The following GLUD1 variants were observed in gnomAD, a reference collection of about 807,000 sequenced individuals.
GLUD1 encodes the protein glutamate dehydrogenase 1.
In GLUD1, 22 loss-of-function variants were observed where a neutral mutation model predicts 56.0. The ratio of observed to expected loss-of-function variants is 0.39; its 90% CI spans 0.28 to 0.56. The LOEUF (loss-of-function observed/expected upper bound fraction) is 0.56, where lower values mean the gene tolerates loss of function less well. Ranked by LOEUF, GLUD1 falls within the 20% of genes least tolerant of loss-of-function variation. The pLI, the probability that GLUD1 is intolerant of heterozygous loss-of-function variation, is 0.58. For synonymous variants in GLUD1, 223 were observed against 269.9 expected, an observed-to-expected ratio of 0.83 and a Z score of 1.70; for missense variants, 451 against 732.0, an observed-to-expected ratio of 0.62 and a Z score of 4.43.
intron 4 of GLUD1, among the ~76,000 whole-genome samples, chr10:87,073,575 G>C (rs527969199): frequency 6.7e-6 from 1 of 149,936 alleles, no homozygotes; most frequent in Non-Finnish European, 1.5e-5. Context: ...ATATTGATAG[G>C]ACAAGTATTC....
intron 1 of GLUD1, among the ~76,000 whole-genome samples, chr10:87,077,985 C>A (rs1238308002): frequency 6.6e-6 from 1 of 152,128 alleles, no homozygotes; most frequent in Admixed American, 6.5e-5. Flanking sequence ...CATGGACTGG[C>A]AGTTTGAGAG....
chr10:87,069,250 C>T (rs1440681525), intron 4 of GLUD1, among the ~76,000 whole-genome samples: 4 of 152,032 alleles, frequency 2.6e-5, no homozygotes, highest in African/African-American at 4.8e-5. Context: ...AGCACAGTGG[C>T]GCATGCCTGT....
intron 11 of GLUD1, among the ~76,000 whole-genome samples, chr10:87,056,954 C>A (rs1278222928): frequency 6.6e-6 from 1 of 151,990 alleles, no homozygotes; most frequent in Non-Finnish European, 1.5e-5. Flanking sequence ...AGAAGTTTCC[C>A]TCCCTCCATC....
At chr10:87,057,619 T>C (rs1845818897) in intron 11 of GLUD1, 72 bp downstream of exon 11, 7 of 837,690 alleles carry the variant, frequency 8.4e-6, no homozygotes, top group Non-Finnish European at 1.5e-5. Flanking sequence ...ATGAAATCCA[T>C]CTAACCAGCT....
At position 87,094,718 on chromosome 10, in the gene GLUD1, C is replaced by A; in HGVS notation, c.52G>T (p.Ala18Ser). 6.6e-7 allele frequency: 1 copy of A among 1,509,992 alleles called. No homozygotes were observed. Among genetic ancestry groups the A allele is most frequent in the Non-Finnish European group, 8.9e-7 (1 of 1,128,902 alleles). 93.5% of individuals were successfully genotyped at this position (1,509,992 alleles called of 1,614,324 possible). A position where few individuals can be genotyped will look rare whatever the true frequency, so the allele number is the denominator to read the frequency against. ...ALLLSRAGPA[A>S]LGSASADSAA... ...GAGTCGGCGGACGCCGAGCCCAGGG[C>A]AGCGGGCCCGGCCCGGGACAGCAAC... The change falls in exon 1 of 13, where the codon GCC becomes TCC. Residue 18 changes from alanine (A) to serine (S), a missense_variant. By Grantham distance (99) the Ala-to-Ser change is moderately conservative. Around this residue, in one of 4 missense-constraint regions of GLUD1, gnomAD observed 158 missense variants for 189.7 expected, o/e 0.83. Coordinates refer to ENST00000277865, the MANE Select transcript of GLUD1 (RefSeq NM_005271.5). The surrounding 1 kb of genome is among the most constrained non-coding windows in gnomAD (Gnocchi z 6.6).
chr10:87,053,084 A>G (rs138502532), intron 12 of GLUD1, among the ~76,000 whole-genome samples: 27 of 152,332 alleles, frequency 1.8e-4, no homozygotes, highest in African/African-American at 6.3e-4. Flanking sequence ...ACTACTCCAT[A>G]CTGGGCTAGC....
rs886047379 is a variant in GLUD1, at chr10:87,094,813, G to A, written c.-44C>T. The A allele has an allele frequency of 2.7e-6, 4 of 1,463,034 alleles. No individual in the cohort carries two copies. Among genetic ancestry groups the A allele is most frequent in the South Asian group, 1.2e-5 (1 of 83,192 alleles). The allele number at this position is 1,463,034 out of a possible 1,614,324, so 90.6% of individuals were successfully genotyped here. ...GGTGCGTGATGGTCGCGAAACAGGC[G>A]CGCTTTCTCAGACTCCCCGCGACTA... On this transcript the variant is annotated 5_prime_UTR_variant, in exon 1 of 13. Coordinates refer to ENST00000277865, the MANE Select transcript of GLUD1 (RefSeq NM_005271.5). This position sits in a 1 kb window ranked among gnomAD's most constrained non-coding sequence, Gnocchi z 6.6.
chr10:87,086,114 G>A (rs1841375344), intron 1 of GLUD1, among the ~76,000 whole-genome samples: 2 of 152,176 alleles, frequency 1.3e-5, no homozygotes, highest in African/African-American at 4.8e-5. Flanking sequence ...GAGAGGCAGA[G>A]GAATCCTAGG....
At chr10:87,093,350 T>G (rs1841578019) in intron 1 of GLUD1, among the ~76,000 whole-genome samples, 1 of 152,216 alleles carries the variant, frequency 6.6e-6, no homozygotes, top group South Asian at 2.1e-4. Flanking sequence ...TAGACAAAAG[T>G]GGTTTGTCCT....
At chr10:87,057,817 A>T (rs749840458) in intron 10 of GLUD1, 35 bp from the exon 11 acceptor site, 1 of 976,228 alleles carries the variant, frequency 1.0e-6, no homozygotes, top group Non-Finnish European at 1.6e-6. Context: ...AGATATTGCT[A>T]ACAGAAAAAA....
chr10:87,071,406 C>T (rs770764478), intron 4 of GLUD1, among the ~76,000 whole-genome samples: 2 of 151,984 alleles, frequency 1.3e-5, no homozygotes, highest in East Asian at 2.0e-4. Flanking sequence ...AGGCTGGTCT[C>T]GAACTCCTGA....
At chr10:87,058,995 G>C (rs902370970) in intron 10 of GLUD1, among the ~76,000 whole-genome samples, 155 bp downstream of exon 10, 1 of 152,208 alleles carries the variant, frequency 6.6e-6, no homozygotes, top group African/African-American at 2.4e-5. Flanking sequence ...AAGACATTGT[G>C]CATTTTTGGT....
Position 87,059,198 on chromosome 10 carries a change from C to T in GLUD1, c.1354G>A (p.Gly452Ser). Residue 452 changes from glycine to serine, a missense_variant, in exon 10 of 13, where the codon GGC becomes AGC. Coordinates refer to ENST00000277865, the MANE Select transcript of GLUD1 (RefSeq NM_005271.5). ...WLKNLNHVSY[G>S]RLTFKYERDS... is the part of the protein sequence containing the mutation. ...CTTTCATATTTGAAGGTCAAACGGC[C>T]ATAGCTGACATGATTTAGATTCTTC... The T allele has an allele frequency of 6.2e-7, 1 of 1,613,778 alleles. No individual in the cohort carries two copies. The highest frequency in any genetic ancestry group is 8.5e-7 in the Non-Finnish European group (1 of 1,179,972).
In GLUD1 at chr10:87,050,238, C is replaced by T. The variant is rs987785881; in HGVS notation, c.*1513G>A. ...TTATTTAATAAAATACAAAATAATTCGAGAATAAAGACTATGCTTTCAGGG... is the reference window on the plus strand; with the variant it reads ...TTATTTAATAAAATACAAAATAATTTGAGAATAAAGACTATGCTTTCAGGG... On this transcript the variant is annotated 3_prime_UTR_variant, in exon 13 of 13. Transcript: ENST00000277865. Among the ~76,000 whole-genome samples the T allele has an allele frequency of 1.3e-5, 2 of 150,998 alleles. No individual in the cohort carries two copies. The highest frequency in any genetic ancestry group is 4.9e-5 in the African/African-American group (2 of 40,998).
In GLUD1 at chr10:87,060,969, C is replaced by T. The variant is rs1845914674; in HGVS notation, c.1005G>A (p.Gly335=). Residue 335 remains glycine (G), a synonymous_variant, in exon 7 of 13, where the codon GGG becomes GGA. Coordinates refer to ENST00000277865, the MANE Select transcript of GLUD1 (RefSeq NM_005271.5). ...CAATACCATCTGGATTCCATATACT[C>T]CCATCAGACTCACCAACAGCAATAC... ...AKCIAVGESD[G]SIWNPDGIDP... is the part of the protein sequence containing the mutation. The T allele has an allele frequency of 6.2e-7, 1 of 1,613,982 alleles. No homozygotes were observed. Among genetic ancestry groups the T allele is most frequent in the Non-Finnish European group, 8.5e-7 (1 of 1,179,954 alleles).
Position 87,075,939 on chromosome 10 carries a change from T to C in GLUD1, c.582+29A>G, listed in dbSNP as rs1564774410. On this transcript the variant is annotated intron_variant, in intron 3 of 12. Transcript: ENST00000277865. ...AGAAAAACAAAAACAACAACAACAA[T>C]AAAAAACAAATATCACTTTCATACT... 8 of 1,433,460 alleles carry C rather than the reference T, an allele frequency of 5.6e-6. No individual in the cohort carries two copies. In the South Asian group the frequency reaches 6.9e-5, roughly 12 times the overall value. 88.8% of individuals were successfully genotyped at this position (1,433,460 alleles called of 1,614,324 possible).
chr10:87,081,066 T>TG (rs548135773), intron 1 of GLUD1, among the ~76,000 whole-genome samples: 144 of 96,168 alleles, frequency 1.5e-3, no homozygotes, highest in African/African-American at 5.5e-3. Flanking sequence ...GGGAGGGAGG[T>TG]GGGGGGGTCA....
intron 5 of GLUD1, among the ~76,000 whole-genome samples, chr10:87,065,886 T>G (rs537939363): frequency 2.0e-5 from 3 of 152,320 alleles, no homozygotes; most frequent in East Asian, 3.9e-4. Flanking sequence ...GTCACAGCAC[T>G]GATGGGTGAA....
At chr10:87,091,943 G>A (rs1377254116) in intron 1 of GLUD1, among the ~76,000 whole-genome samples, 1 of 151,964 alleles carries the variant, frequency 6.6e-6, no homozygotes, top group Non-Finnish European at 1.5e-5. Context: ...ATATGTTTAA[G>A]AGGGAAAGAC....
Sources: gnomAD v4.1 joint callset for allele counts (sites outside exome capture counted in the v4.1 genomes callset) on GRCh38, gnomAD v4.1.1 for gene constraint, gnomAD v4.1.1 regional missense constraint, Gnocchi (gnomAD v3.1) non-coding constraint, MANE v1.5 for transcripts, NCBI Gene and HGNC (gene_info 2026-07-23, HGNC 2026-07-21) for gene names.